PGRMC1: variants seen among roughly 807,000 people sequenced by gnomAD.
PGRMC1 encodes membrane-associated progesterone receptor component 1.
For synonymous variants in PGRMC1, 73 were observed against 77.3 expected (o/e 0.94, Z 0.29); for missense variants, 145 against 169.0 (o/e 0.86, Z 0.79).
chrX:119,241,106 TTTAA>T (rs1331106516), intron 2 of PGRMC1, among the ~76,000 whole-genome samples: 5 of 112,488 alleles, frequency 4.4e-5, no homozygotes, highest in Non-Finnish European at 7.5e-5. Flanking sequence ...AATCTAACTG[TTTAA>T]TTGTCACTCT....
At chrX:119,240,265 T>C in intron 1 of PGRMC1, 44 bp from the exon 2 acceptor site, 1 of 1,175,856 alleles carries the variant, frequency 8.5e-7, no homozygotes, top group East Asian at 3.0e-5. Flanking sequence ...CACAGAGAAA[T>C]TGACTGTCTA....
intron 1 of PGRMC1, among the ~76,000 whole-genome samples, chrX:119,239,829 T>G (rs41294892): frequency 0.057 from 6,427 of 111,904 alleles, 183 homozygotes; most frequent in African/African-American, 0.094. Context: ...GAACCAAAGA[T>G]CTCTATAAGA....
intron 2 of PGRMC1, among the ~76,000 whole-genome samples, chrX:119,241,908 T>C (rs192915359): frequency 8.9e-6 from 1 of 112,201 alleles, no homozygotes; most frequent in East Asian, 2.8e-4. Context: ...TCAAGTCTTT[T>C]GCATTCTGGT....
At chrX:119,239,146 A>G (rs1286120816) in intron 1 of PGRMC1, among the ~76,000 whole-genome samples, 1 of 112,172 alleles carries the variant, frequency 8.9e-6, no homozygotes, top group Non-Finnish European at 1.9e-5. Flanking sequence ...GCATTTGCCT[A>G]TTCTCAAGCA....
chrX:119,239,508 T>C (rs1388090608), intron 1 of PGRMC1, among the ~76,000 whole-genome samples: 35 of 112,607 alleles, frequency 3.1e-4, no homozygotes. Flanking sequence ...AAATATCCAC[T>C]TTGTGTACCC....
rs1930865756 is a variant in PGRMC1 at position 119,243,371 on chromosome X, G to A, written c.*117G>A. On this transcript the variant is annotated 3_prime_UTR_variant, in exon 3 of 3. Coordinates refer to ENST00000217971, the MANE Select transcript of PGRMC1 (RefSeq NM_006667.5). ...AGAAAGTTTTGAGCACTTGCTATAA[G>A]TTTTTTAATTAACATCACTAGTGAC... 3.9e-6 allele frequency: 2 copies of A among 515,975 alleles called. No homozygotes were observed. The highest frequency in any genetic ancestry group is 7.0e-6 in the Non-Finnish European group (2 of 285,941). The allele number at this position is 515,975 out of a possible 1,213,427, so 42.5% of individuals were successfully genotyped here. A position where few individuals can be genotyped will look rare whatever the true frequency, so the allele number is the denominator to read the frequency against.
intron 1 of PGRMC1, 71 bp downstream of exon 1, chrX:119,236,762 G>A (rs1930709449): frequency 2.2e-6 from 2 of 917,754 alleles, no homozygotes; most frequent in Admixed American, 7.2e-5. Flanking sequence ...CGGGAGAGAG[G>A]CGAGGCGGGA....
intron 2 of PGRMC1, 85 bp downstream of exon 2, chrX:119,240,549 C>A: frequency 1.2e-6 from 1 of 818,196 alleles, no homozygotes; most frequent in Non-Finnish European, 1.8e-6. Context: ...ACTAAGCAGC[C>A]TGAAACTTGG....
At chrX:119,236,832 G>GC in intron 1 of PGRMC1, 141 bp downstream of exon 1, 1 of 529,856 alleles carries the variant, frequency 1.9e-6, no homozygotes, top group South Asian at 3.3e-5. Context: ...GGGTAGGCGG[G>GC]CAGGCGGAGA....
chrX:119,240,224 T>G (rs1930787757), intron 1 of PGRMC1, 85 bp from the exon 2 acceptor site: 7 of 937,787 alleles, frequency 7.5e-6, no homozygotes, highest in Non-Finnish European at 1.1e-5. Context: ...GCTATGTTGA[T>G]GAATAGGGAA....
chrX:119,236,327 C>T lies in PGRMC1; in HGVS notation c.-37C>T, dbSNP rs776493719. The T allele has an allele frequency of 8.7e-7, 1 of 1,150,178 alleles. No homozygotes were observed. The highest frequency in any genetic ancestry group is 1.2e-6 in the Non-Finnish European group (1 of 843,857). 94.8% of individuals were successfully genotyped at this position (1,150,178 alleles called of 1,213,427 possible). On this transcript the variant is annotated 5_prime_UTR_variant, in exon 1 of 3. Transcript: ENST00000217971. Reference sequence around the variant, plus strand: ...GAGGAGAAAGTGGCGAGTTCCGGATCCCTGCCTAGCGCGGCCCAACCTTTA... The same window carrying T: ...GAGGAGAAAGTGGCGAGTTCCGGATTCCTGCCTAGCGCGGCCCAACCTTTA...
Position 119,237,801 on chromosome X carries a change from A to C in PGRMC1, c.328+1110A>C, listed in dbSNP as rs190848832. On this transcript the variant is annotated intron_variant, in intron 1 of 2. Transcript: ENST00000217971. ...GTTCCTTAGAGGCGAGGTTTTTGCAAACCTGGTTGCGTATCAGAATCACCT... is the reference window on the plus strand; with the variant it reads ...GTTCCTTAGAGGCGAGGTTTTTGCACACCTGGTTGCGTATCAGAATCACCT... Among the ~76,000 whole-genome samples, 23 of 110,647 alleles carry C rather than the reference A, an allele frequency of 2.1e-4. No homozygotes were observed. The East Asian group carries it at 6.5e-3, about 31-fold the overall frequency.
intron 2 of PGRMC1, among the ~76,000 whole-genome samples, chrX:119,242,298 T>C (rs1930837004): frequency 1.8e-5 from 2 of 109,725 alleles, no homozygotes; most frequent in Admixed American, 1.9e-4. Context: ...AATGGCTCCC[T>C]CCACAGAGTT....
intron 2 of PGRMC1, among the ~76,000 whole-genome samples, chrX:119,241,313 C>G (rs1001706050): frequency 8.9e-6 from 1 of 112,358 alleles, no homozygotes; most frequent in African/African-American, 3.2e-5. Flanking sequence ...ATAATGCTGA[C>G]TTCAGAGAGA....
rs1235790958 is a variant in PGRMC1 at position 119,240,343 on chromosome X, A to G, written c.363A>G (p.Ala121=). ...GPYGVFAGRD[A]SRGLATFCLD... ...ATGGGGTCTTTGCTGGAAGAGATGC[A>G]TCCAGGGGCCTTGCCACATTTTGCC... The change falls in exon 2 of 3, where the codon GCA becomes GCG. Residue 121 remains alanine, a synonymous_variant. Coordinates refer to ENST00000217971, the MANE Select transcript of PGRMC1 (RefSeq NM_006667.5). 3 of 1,208,563 alleles carry G rather than the reference A, an allele frequency of 2.5e-6. No homozygotes were observed. Among genetic ancestry groups the G allele is most frequent in the African/African-American group, 3.5e-5 (2 of 57,050 alleles).
At chrX:119,240,967 G>A (rs1930805558) in intron 2 of PGRMC1, among the ~76,000 whole-genome samples, 1 of 112,198 alleles carries the variant, frequency 8.9e-6, no homozygotes, top group African/African-American at 3.2e-5. Context: ...AATGGTGTCT[G>A]CATTTTTAAA....
rs1243882174 is a variant in PGRMC1 at position 119,236,429 on chromosome X, G to C, written c.66G>C (p.Leu22=). ...GCGATCTGGAGAGCGGCGGGCTGCT[G>C]CATGAGATTTTCACGTCGCCGCTCA... ...DPSDLESGGL[L]HEIFTSPLNL... Residue 22 remains leucine, a synonymous_variant, in exon 1 of 3, where the codon CTG becomes CTC. Transcript: ENST00000217971. 8.3e-7 allele frequency: 1 copy of C among 1,209,395 alleles called. No homozygotes were observed. Among genetic ancestry groups the C allele is most frequent in the Admixed American group, 2.2e-5 (1 of 45,978 alleles).
Position 119,243,955 on chromosome X carries a change from T to C in PGRMC1, c.*701T>C, listed in dbSNP as rs1930883183. 1 of 112,103 alleles carries C rather than the reference T, an allele frequency of 8.9e-6. No individual in the cohort carries two copies. The highest frequency in any genetic ancestry group is 3.2e-5 in the African/African-American group (1 of 30,797). The allele number at this position is 112,103 out of a possible 1,213,427, so 9.2% of individuals were successfully genotyped here. On this transcript the variant is annotated 3_prime_UTR_variant, in exon 3 of 3. Transcript: ENST00000217971. ...AAAAGAGCTGGCTGGCCTAAAAACC[T>C]AAATATATGATGAAGATTGTAGGAC...
rs368506543 is a variant in PGRMC1 at position 119,243,302 on chromosome X, G to A, written c.*48G>A. ...ATTTTTGTATTTTGCAAAATCATTT[G>A]TAACAGTCCACTCTGTCTTTAAAAC... On this transcript the variant is annotated 3_prime_UTR_variant, in exon 3 of 3. Transcript: ENST00000217971. 5.7e-5 allele frequency: 42 copies of A among 739,953 alleles called. No homozygotes were observed. Among genetic ancestry groups the A allele is most frequent in the Non-Finnish European group, 8.7e-5 (41 of 468,919 alleles). 61.0% of individuals were successfully genotyped at this position (739,953 alleles called of 1,213,427 possible).
Sources: gnomAD v4.1 joint callset for allele counts (sites outside exome capture counted in the v4.1 genomes callset) on GRCh38, gnomAD v4.1.1 for gene constraint, MANE v1.5 for transcripts, NCBI Gene and HGNC (gene_info 2026-07-23, HGNC 2026-07-21) for gene names.